Variants in CC2D2A observed in about 807,000 individuals in gnomAD.
CC2D2A encodes coiled-coil and C2 domain-containing protein 2A.
A neutral mutation model predicts 212.9 loss-of-function variants in CC2D2A; 155 were observed. That is an observed-to-expected ratio of 0.73 (90% CI 0.64 to 0.83). The LOEUF (loss-of-function observed/expected upper bound fraction) is 0.83. Among genes scored for constraint, CC2D2A ranks in the 40% least tolerant of loss-of-function variants. The pLI is 0.00. For synonymous variants in CC2D2A, 667 were observed against 686.5 expected, an observed-to-expected ratio of 0.97 and a Z score of 0.44; for missense variants, 1,856 against 1,956.2, an observed-to-expected ratio of 0.95 and a Z score of 0.97.
chr4:15,511,502 T>G, intron 8 of CC2D2A, 79 bp downstream of exon 8: 1 of 1,331,878 alleles, frequency 7.5e-7, no homozygotes, highest in Admixed American at 3.7e-5. Context: ...AGAAAGAAAG[T>G]GGCTGAGGAG....
chr4:15,484,298 G>C (rs752548583), intron 4 of CC2D2A, among the ~76,000 whole-genome samples: 34 of 152,200 alleles, frequency 2.2e-4, no homozygotes, highest in Non-Finnish European at 4.0e-4. Flanking sequence ...CAGGGGGCAA[G>C]GGCAGTGGAG....
At position 15,516,715 on chromosome 4, in the gene CC2D2A, G is replaced by T; in HGVS notation, c.1108G>T (p.Glu370Ter). Residue 370 changes from glutamate (E) to a stop codon, truncating the protein, a stop_gained, in exon 11 of 37, where the codon GAG becomes TAG. Transcript: ENST00000424120. LOFTEE classifies it high-confidence loss of function. ...TTCAAGGCCGCCAGTACTAACACAGGAGCAGAGCATTAAGGCAGAGCTTGA... is the reference window on the plus strand; with the variant it reads ...TTCAAGGCCGCCAGTACTAACACAGTAGCAGAGCATTAAGGCAGAGCTTGA... ...FPSRPPVLTQ[E>*]QSIKAELETL... 1 of 1,613,378 alleles carries T rather than the reference G, an allele frequency of 6.2e-7. No homozygotes were observed. Among genetic ancestry groups the T allele is most frequent in the Non-Finnish European group, 8.5e-7 (1 of 1,179,588 alleles).
At chr4:15,544,060 A>G (rs184637804) in intron 17 of CC2D2A, 5 of 152,310 alleles carry the variant, frequency 3.3e-5, no homozygotes, top group Admixed American at 2.6e-4. Flanking sequence ...CTTGCTAGGG[A>G]GAGTTGAATT....
intron 28 of CC2D2A, among the ~76,000 whole-genome samples, chr4:15,573,233 C>T (rs1235255815): frequency 6.6e-6 from 1 of 152,222 alleles, no homozygotes; most frequent in Non-Finnish European, 1.5e-5. Flanking sequence ...CTTCCTGTGT[C>T]ATCTATTTTA....
Position 15,557,495 on chromosome 4 carries a change from A to G in CC2D2A, c.2817A>G (p.Glu939=). ...CAGTCTATGACCGAGAAATTATGGA[A>G]AAGGTATTCCAGGTAAGAAACTGCC... The part of the protein sequence containing the change: ...QVPVYDREIM[E]KVFQDYEKRL... Residue 939 remains glutamate (E), a synonymous_variant, in exon 21 of 37, where the codon GAA becomes GAG. Coordinates refer to ENST00000424120, the MANE Select transcript of CC2D2A (RefSeq NM_001378615.1). 6.2e-7 allele frequency: 1 copy of G among 1,603,476 alleles called. No homozygotes were observed. Among genetic ancestry groups the G allele is most frequent in the Non-Finnish European group, 8.5e-7 (1 of 1,174,844 alleles).
At chr4:15,474,704 A>G (rs12649193) in intron 1 of CC2D2A, among the ~76,000 whole-genome samples, 7,147 of 152,272 alleles carry the variant, frequency 0.047, 359 homozygotes, top group East Asian at 0.31. Context: ...CATGTACCCC[A>G]TAAATATATA....
At chr4:15,569,425 A>C in intron 27 of CC2D2A, 36 bp downstream of exon 27, 1 of 1,193,138 alleles carries the variant, frequency 8.4e-7, no homozygotes, top group Non-Finnish European at 1.2e-6. Flanking sequence ...ACTTGTATTC[A>C]CTTTCATATC....
intron 33 of CC2D2A, among the ~76,000 whole-genome samples, chr4:15,594,389 C>T (rs1488927867): frequency 6.6e-6 from 1 of 152,140 alleles, no homozygotes; most frequent in Non-Finnish European, 1.5e-5. Flanking sequence ...TCTCAGGGAT[C>T]TGAGTCAGCT....
intron 21 of CC2D2A, among the ~76,000 whole-genome samples, chr4:15,557,761 A>G (rs192439322): frequency 2.2e-3 from 340 of 152,344 alleles, no homozygotes; most frequent in African/African-American, 7.9e-3. Flanking sequence ...GCATACAATT[A>G]GAATTGTAGG....
intron 34 of CC2D2A, among the ~76,000 whole-genome samples, chr4:15,597,093 T>C (rs1721353860): frequency 6.6e-6 from 1 of 152,174 alleles, no homozygotes; most frequent in African/African-American, 2.4e-5. Context: ...TTTTTTTTCA[T>C]AGCCAAATCC....
chr4:15,571,654 T>C (rs952039868), intron 28 of CC2D2A, among the ~76,000 whole-genome samples: 1 of 151,222 alleles, frequency 6.6e-6, no homozygotes, highest in Admixed American at 6.6e-5. Context: ...CTTGAATTGG[T>C]TGGTATCCCA....
intron 4 of CC2D2A, among the ~76,000 whole-genome samples, chr4:15,491,923 T>C (rs1161684650): frequency 6.6e-6 from 1 of 152,244 alleles, no homozygotes; most frequent in Non-Finnish European, 1.5e-5. Context: ...TTATGGATTG[T>C]GCTTTTAGGG....
At chr4:15,554,230 C>T (rs867696325) in intron 19 of CC2D2A, among the ~76,000 whole-genome samples, 2 of 152,184 alleles carry the variant, frequency 1.3e-5, no homozygotes, top group Non-Finnish European at 2.9e-5. Flanking sequence ...GGGAGTAAAG[C>T]TTTCAACTCC....
At chr4:15,510,917 A>G (rs2250472) in intron 7 of CC2D2A, among the ~76,000 whole-genome samples, 66,471 of 152,118 alleles carry the variant, frequency 0.44, 15,630 homozygotes, top group East Asian at 0.73. Context: ...AGCATTGGCC[A>G]ATAAAACAAT....
At chr4:15,538,251 G>C in intron 16 of CC2D2A, 114 bp downstream of exon 16, 1 of 1,122,822 alleles carries the variant, frequency 8.9e-7, no homozygotes, top group African/African-American at 1.6e-5. Flanking sequence ...ACCTACACGA[G>C]CATCAGGAGT....
At chr4:15,493,078 C>T in intron 4 of CC2D2A, 1 of 363,122 alleles carries the variant, frequency 2.8e-6, no homozygotes, top group South Asian at 2.2e-5. Flanking sequence ...TTCCCCATTT[C>T]TGCTCTGGCC....
Position 15,574,275 on chromosome 4 carries a change from C to G in CC2D2A, c.3720C>G (p.Leu1240=). 6.4e-7 allele frequency: 1 copy of G among 1,551,450 alleles called. No individual in the cohort carries two copies. The highest frequency in any genetic ancestry group is 8.7e-7 in the Non-Finnish European group (1 of 1,146,832). ...RSLSEGSYIT[L]FITIEPQLVP... ...TAAGTGAAGGCTCCTACATTACCCTCTTTATTACCATTGAGCCCCAGCTGG... is the reference window on the plus strand; with the variant it reads ...TAAGTGAAGGCTCCTACATTACCCTGTTTATTACCATTGAGCCCCAGCTGG... Residue 1240 remains leucine (L), a synonymous_variant, in exon 29 of 37, where the codon CTC becomes CTG. Transcript: ENST00000424120.
chr4:15,507,024 G>A (rs1046153337), intron 6 of CC2D2A, among the ~76,000 whole-genome samples: 1 of 151,016 alleles, frequency 6.6e-6, no homozygotes, highest in Admixed American at 6.6e-5. Flanking sequence ...GTTGTAGTGA[G>A]CTGAGATCAT....
intron 24 of CC2D2A, among the ~76,000 whole-genome samples, chr4:15,565,368 T>A (rs1373817890): frequency 6.6e-6 from 1 of 151,350 alleles, no homozygotes; most frequent in African/African-American, 2.4e-5. Flanking sequence ...CCCAAGTCTT[T>A]ACCATTTACC....
Sources: allele counts gnomAD v4.1 joint callset (sites outside exome capture counted in the v4.1 genomes callset), GRCh38; gene constraint gnomAD v4.1.1; transcripts MANE v1.5; gene names NCBI Gene and HGNC (gene_info 2026-07-23, HGNC 2026-07-21).